Variants in CYP24A1 observed in about 807,000 individuals in gnomAD.
The protein encoded by CYP24A1 is 1,25-dihydroxyvitamin D(3) 24-hydroxylase, mitochondrial.
In CYP24A1, 68 loss-of-function variants were observed where a neutral mutation model predicts 62.4. The ratio of observed to expected loss-of-function variants is 1.09; its 90% CI spans 0.90 to 1.33. The LOEUF is 1.33. CYP24A1 is among the 40% of genes most tolerant of loss of function. The probability of loss-of-function intolerance (pLI) is 0.00; values close to 1 mark genes in which losing one functional copy is unlikely to be tolerated. For synonymous variants in CYP24A1, 267 were observed against 253.0 expected (o/e 1.06, Z -0.52); for missense variants, 787 against 653.0 (o/e 1.21, Z -2.24).
intron 5 of CYP24A1, 39 bp from the exon 6 acceptor site, chr20:54,164,602 C>T: frequency 6.2e-7 from 1 of 1,613,800 alleles, no homozygotes; most frequent in African/African-American, 1.3e-5. Flanking sequence ...CTGAATTCTC[C>T]TTCTCTCAAA....
chr20:54,152,619 T>C (rs945964215), downstream of CYP24A1, among the ~76,000 whole-genome samples: 6 of 152,150 alleles, frequency 3.9e-5, no homozygotes, highest in African/African-American at 1.4e-4. Flanking sequence ...GGAAGAACCC[T>C]CTTGCTAGCA....
intron 11 of CYP24A1, among the ~76,000 whole-genome samples, chr20:54,156,806 A>G (rs552391521): frequency 6.6e-6 from 1 of 152,360 alleles, no homozygotes; most frequent in South Asian, 2.1e-4. Context: ...CAAAGACTGT[A>G]TGGTCCATAA....
the CYP24A1 span, among the ~76,000 whole-genome samples, chr20:54,147,375 C>T: frequency 2.0e-5 from 3 of 152,280 alleles, no homozygotes; most frequent in East Asian, 3.9e-4. Flanking sequence ...ATTTCTAGAA[C>T]GTGCAAAATA....
intron 4 of CYP24A1, among the ~76,000 whole-genome samples, chr20:54,167,408 G>C (rs1447785875): frequency 6.6e-6 from 1 of 152,336 alleles, no homozygotes; most frequent in East Asian, 1.9e-4. Context: ...CTCAGAGGTG[G>C]AGGTGGGAGC....
In CYP24A1 at chr20:54,159,054, T is replaced by G. The variant is rs1007420147; in HGVS notation, c.1060A>C (p.Lys354Gln). 1.5e-5 allele frequency: 24 copies of G among 1,614,028 alleles called. No homozygotes were observed. Among genetic ancestry groups the G allele is most frequent in the Non-Finnish European group, 2.0e-5 (24 of 1,179,980 alleles). The change falls in exon 8 of 12, where the codon AAG becomes CAG. Residue 354 changes from lysine to glutamine, a missense_variant. Coordinates refer to ENST00000216862, the MANE Select transcript of CYP24A1 (RefSeq NM_000782.5). ...TCAGGTAATACACTTTGAATTTCCT[T>G]AAGAAGCTTTTGTTGCACTTGGGGA... ...RNPQVQQKLL[K>Q]EIQSVLPENQ...
rs1373631154 is a variant in CYP24A1 at position 54,173,595 on chromosome 20, C to G, written c.-16G>C. 1.9e-6 allele frequency: 3 copies of G among 1,561,398 alleles called. No homozygotes were observed. The highest frequency in any genetic ancestry group is 2.6e-6 in the Non-Finnish European group (3 of 1,157,174). On this transcript the variant is annotated 5_prime_UTR_variant, in exon 1 of 12. Coordinates refer to ENST00000216862, the MANE Select transcript of CYP24A1 (RefSeq NM_000782.5). This position sits in a 1 kb window ranked among gnomAD's most constrained non-coding sequence, Gnocchi z 7.2. ...GGGAGCTCATGGCAGCGGGGGACACCGGAGCGCGGGAAGGCAGGAGGATGG... is the reference window on the plus strand; with the variant it reads ...GGGAGCTCATGGCAGCGGGGGACACGGGAGCGCGGGAAGGCAGGAGGATGG...
chr20:54,160,413 AT>A (rs1419133341), intron 7 of CYP24A1, among the ~76,000 whole-genome samples: 13 of 152,344 alleles, frequency 8.5e-5, no homozygotes, highest in Admixed American at 5.2e-4. Context: ...GAAAATGATC[AT>A]TGTGTCCACC....
the CYP24A1 span, among the ~76,000 whole-genome samples, chr20:54,148,280 TA>T: frequency 6.6e-6 from 1 of 151,948 alleles, no homozygotes; most frequent in Non-Finnish European, 1.5e-5. Context: ...AATTCCCATA[TA>T]CCATTCACCC....
intron 7 of CYP24A1, among the ~76,000 whole-genome samples, chr20:54,161,961 G>A (rs1038220338): frequency 6.6e-6 from 1 of 152,188 alleles, no homozygotes; most frequent in African/African-American, 2.4e-5. Flanking sequence ...GGAGGTTAGC[G>A]TGCGCCACTC....
intron 8 of CYP24A1, among the ~76,000 whole-genome samples, chr20:54,158,640 A>G (rs1399896067): frequency 6.6e-6 from 1 of 152,238 alleles, no homozygotes; most frequent in Non-Finnish European, 1.5e-5. Flanking sequence ...ATATAATAAT[A>G]TAGCTCTTTT....
chr20:54,173,045 CA>C lies in CYP24A1; in HGVS notation c.312del (p.Phe104LeufsTer45), dbSNP rs2146513906. 1 of 1,608,368 alleles carries C rather than the reference CA, an allele frequency of 6.2e-7. No homozygotes were observed. Among genetic ancestry groups the C allele is most frequent in the Non-Finnish European group, 8.5e-7 (1 of 1,180,018 alleles). ...CATGGCGAGCCCAGGTGCACCGACT[CA>C]AAGGAACCCAACTTCATGCGGAAAA... The part of the protein sequence containing the change: ...GKIFRMKLGS[F>X]ESVHLGSPCL... On this transcript the variant is annotated frameshift_variant, in exon 2 of 12. Coordinates refer to ENST00000216862, the MANE Select transcript of CYP24A1 (RefSeq NM_000782.5). LOFTEE classifies it high-confidence loss of function. This position sits in a 1 kb window ranked among gnomAD's most constrained non-coding sequence, Gnocchi z 7.2.
intron 4 of CYP24A1, among the ~76,000 whole-genome samples, chr20:54,168,043 T>C (rs899917769): frequency 6.6e-6 from 1 of 152,184 alleles, no homozygotes; most frequent in Non-Finnish European, 1.5e-5. Context: ...GATATGCTTG[T>C]CATTCCGCAC....
At position 54,159,397 on chromosome 20, in the gene CYP24A1, GT is replaced by G. The variant is rs10689729; in HGVS notation, c.991-275del. Among the ~76,000 whole-genome samples, 139 of 140,132 alleles carry G rather than the reference GT, an allele frequency of 9.9e-4. No homozygotes were observed. In the Middle Eastern group the frequency reaches 0.011, roughly 11 times the overall value. 91.9% of individuals were successfully genotyped at this position (140,132 alleles called of 152,430 possible). On this transcript the variant is annotated intron_variant, in intron 7 of 11. Coordinates refer to ENST00000216862, the MANE Select transcript of CYP24A1 (RefSeq NM_000782.5). ...AGCTGCTTTAGAACATTTAAATACA[GT>G]TTTTTTTTTTTTTTGAGATGGAGTC...
intron 7 of CYP24A1, among the ~76,000 whole-genome samples, chr20:54,161,354 C>T (rs2092649596): frequency 6.6e-6 from 1 of 151,876 alleles, no homozygotes; most frequent in Non-Finnish European, 1.5e-5. Context: ...CTATATTACA[C>T]CATCCTGATG....
chr20:54,151,236 T>C (rs1301351623), downstream of CYP24A1, among the ~76,000 whole-genome samples: 2 of 152,128 alleles, frequency 1.3e-5, no homozygotes, highest in Non-Finnish European at 2.9e-5. Context: ...TTTTAGACCA[T>C]ATAGGGGAAC....
rs1227526398 is a variant in CYP24A1, at chr20:54,153,879, TAGAC to T, written c.*889_*892del. 1.3e-5 allele frequency: 2 copies of T among 152,604 alleles called. No individual in the cohort carries two copies. The highest frequency in any genetic ancestry group is 1.9e-4 in the East Asian group (1 of 5,200). The allele number at this position is 152,604 out of a possible 1,614,324, so 9.5% of individuals were successfully genotyped here. A position where few individuals can be genotyped will look rare whatever the true frequency, so the allele number is the denominator to read the frequency against. ...CATGCTTTACACTTGTCCCATTTAA[TAGAC>T]AGAAAAATTATGGCATGGGAAATCA... On this transcript the variant is annotated 3_prime_UTR_variant, in exon 12 of 12. Coordinates refer to ENST00000216862, the MANE Select transcript of CYP24A1 (RefSeq NM_000782.5).
intron 3 of CYP24A1, among the ~76,000 whole-genome samples, chr20:54,170,456 G>T (rs1244775093): frequency 6.6e-6 from 1 of 152,144 alleles, no homozygotes; most frequent in Non-Finnish European, 1.5e-5. Flanking sequence ...TGCCATCCTG[G>T]ACCCTGCCGT....
At chr20:54,170,318 G>A (rs1023691017) in intron 3 of CYP24A1, among the ~76,000 whole-genome samples, 6 of 152,136 alleles carry the variant, frequency 3.9e-5, no homozygotes, top group African/African-American at 1.4e-4. Context: ...TGTACGAAGT[G>A]TATTGGTTGA....
intron 7 of CYP24A1, 117 bp downstream of exon 7, chr20:54,162,600 G>A (rs1231517597): frequency 5.4e-6 from 3 of 552,030 alleles, no homozygotes; most frequent in Non-Finnish European, 9.7e-6. Flanking sequence ...TCATTTTTGT[G>A]GAGTTGATGC....
Sources: allele counts gnomAD v4.1 joint callset (sites outside exome capture counted in the v4.1 genomes callset), GRCh38; gene constraint gnomAD v4.1.1; non-coding constraint Gnocchi (gnomAD v3.1); transcripts MANE v1.5; gene names NCBI Gene and HGNC (gene_info 2026-07-23, HGNC 2026-07-21).